Variants in GALNT18 observed in about 807,000 individuals in gnomAD.
The protein encoded by GALNT18 is GalNAc-transferase 18.
GALNT18 carries 44 observed loss-of-function variants against 69.5 expected under a neutral mutation model. The observed-to-expected ratio is 0.63, with a 90% confidence interval of 0.50 to 0.81. GALNT18 has a LOEUF of 0.81. Among genes scored for constraint, GALNT18 ranks in the 40% least tolerant of loss-of-function variants. GALNT18 has a pLI of 0.00. For synonymous variants in GALNT18, 364 were observed against 318.2 expected (o/e 1.14, Z -1.53); for missense variants, 715 against 810.0 (o/e 0.88, Z 1.42).
rs993377469 is a variant in GALNT18, at chr11:11,332,913, G to A, written c.1279-82C>T. On this transcript the variant is annotated intron_variant, in intron 7 of 10. Coordinates refer to ENST00000227756, the MANE Select transcript of GALNT18 (RefSeq NM_198516.3). This position sits in a 1 kb window ranked among gnomAD's most constrained non-coding sequence, Gnocchi z 4.3. ...AAACTCTACTTTGGCATGACCTTGT[G>A]CCCCCAACAAGATTCCTAGAGACTG... 3 of 1,499,270 alleles carry A rather than the reference G, an allele frequency of 2.0e-6. No individual in the cohort carries two copies. The African/African-American group carries it at 4.1e-5, about 21-fold the overall frequency. The allele number at this position is 1,499,270 out of a possible 1,614,324, so 92.9% of individuals were successfully genotyped here.
At chr11:11,290,575 G>A (rs556868965) in intron 10 of GALNT18, among the ~76,000 whole-genome samples, 1 of 152,154 alleles carries the variant, frequency 6.6e-6, no homozygotes, top group African/African-American at 2.4e-5. Flanking sequence ...GCCTGCTTTC[G>A]ATGTCACAAC....
At position 11,536,626 on chromosome 11, in the gene GALNT18, C is replaced by T. The variant is rs137975673; in HGVS notation, c.235+84733G>A. Among the ~76,000 whole-genome samples, 223 of 151,350 alleles carry T rather than the reference C, an allele frequency of 1.5e-3. 2 individuals are homozygous for T. Among genetic ancestry groups the T allele is most frequent in the African/African-American group, 4.8e-3 (196 of 41,128 alleles). On this transcript the variant is annotated intron_variant, in intron 1 of 10. Transcript: ENST00000227756. ...AACCCGCCAAGACCTTTAGCAACTC[C>T]GTATCTTAGAAATGAAAATTGAGAC...
chr11:11,360,749 C>A (rs891464532), intron 6 of GALNT18, among the ~76,000 whole-genome samples: 3 of 151,746 alleles, frequency 2.0e-5, no homozygotes, highest in Admixed American at 2.0e-4. Flanking sequence ...CTTCAGGAAA[C>A]TTTTTAGCTT....
intron 1 of GALNT18, among the ~76,000 whole-genome samples, chr11:11,525,632 C>T (rs1415153702): frequency 8.4e-6 from 1 of 118,632 alleles, no homozygotes; most frequent in Non-Finnish European, 1.7e-5. Context: ...GTGCATATTA[C>T]TTTTTTTTTT....
In GALNT18 at chr11:11,612,589, G is replaced by T. The variant is rs148399444; in HGVS notation, c.235+8770C>A. On this transcript the variant is annotated intron_variant, in intron 1 of 10. Coordinates refer to ENST00000227756, the MANE Select transcript of GALNT18 (RefSeq NM_198516.3). ...CCTGAATTACCTTCCTGCTCCTCTGGGATCTCAATGGCCTTTAACTCCAAG... is the reference window on the plus strand; with the variant it reads ...CCTGAATTACCTTCCTGCTCCTCTGTGATCTCAATGGCCTTTAACTCCAAG... Among the ~76,000 whole-genome samples, 247 of 152,242 alleles carry T rather than the reference G, an allele frequency of 1.6e-3. 1 individual carries two copies. Among genetic ancestry groups the T allele is most frequent in the African/African-American group, 5.7e-3 (238 of 41,546 alleles).
intron 1 of GALNT18, among the ~76,000 whole-genome samples, chr11:11,451,209 C>T (rs1208092029): frequency 6.6e-6 from 1 of 152,272 alleles, no homozygotes; most frequent in Middle Eastern, 3.4e-3. Flanking sequence ...CACAAGCATG[C>T]ATGATCTTGA....
chr11:11,453,685 A>C (rs1855858075), intron 1 of GALNT18, among the ~76,000 whole-genome samples: 1 of 152,130 alleles, frequency 6.6e-6, no homozygotes, highest in Admixed American at 6.5e-5. Flanking sequence ...GATAGTGAAT[A>C]ACCCTCAAGA....
Position 11,500,575 on chromosome 11 carries a change from C to T in GALNT18, c.236-51639G>A, listed in dbSNP as rs547292729. Among the ~76,000 whole-genome samples, 3 of 152,214 alleles carry T rather than the reference C, an allele frequency of 2.0e-5. No individual in the cohort carries two copies. The highest frequency in any genetic ancestry group is 2.1e-4 in the South Asian group (1 of 4,812). ...AGGCAGCAGGGATGCTGGCAAGCAC[C>T]GGTCATCATCCTGCAGGATACAGGA... is the stretch of plus-strand genomic sequence containing the variant. On this transcript the variant is annotated intron_variant, in intron 1 of 10. Coordinates refer to ENST00000227756, the MANE Select transcript of GALNT18 (RefSeq NM_198516.3). The surrounding 1 kb of genome is among the most constrained non-coding windows in gnomAD (Gnocchi z 5.0).
chr11:11,588,797 G>A (rs536353468), intron 1 of GALNT18, among the ~76,000 whole-genome samples: 32 of 152,276 alleles, frequency 2.1e-4, no homozygotes, highest in Non-Finnish European at 4.1e-4. Flanking sequence ...TCTACCTTTT[G>A]ATGAGAACAG....
At chr11:11,279,857 G>C (rs1390095400) in intron 10 of GALNT18, among the ~76,000 whole-genome samples, 1 of 152,156 alleles carries the variant, frequency 6.6e-6, no homozygotes, top group Non-Finnish European at 1.5e-5. Flanking sequence ...AGTTGAAAGT[G>C]TGTATTTTAT....
At chr11:11,399,710 G>A (rs145512137) in intron 3 of GALNT18, among the ~76,000 whole-genome samples, 1 of 152,258 alleles carries the variant, frequency 6.6e-6, no homozygotes, top group East Asian at 1.9e-4. Flanking sequence ...CTGCCTCACT[G>A]GGTGTATGAT....
At chr11:11,292,107 A>G (rs1849310637) in intron 10 of GALNT18, among the ~76,000 whole-genome samples, 1 of 152,142 alleles carries the variant, frequency 6.6e-6, no homozygotes, top group Non-Finnish European at 1.5e-5. Flanking sequence ...CCATGAATAC[A>G]GGTGTTCCCT....
At chr11:11,300,154 T>A (rs1849469408) in intron 9 of GALNT18, among the ~76,000 whole-genome samples, 1 of 152,232 alleles carries the variant, frequency 6.6e-6, no homozygotes, top group African/African-American at 2.4e-5. Context: ...ATGATGGGCA[T>A]GTAAATTTGG....
intron 3 of GALNT18, among the ~76,000 whole-genome samples, chr11:11,397,066 C>G (rs1272538283): frequency 6.6e-6 from 1 of 152,080 alleles, no homozygotes; most frequent in African/African-American, 2.4e-5. Flanking sequence ...ACACAGACCC[C>G]CTTTTGCCTT....
At chr11:11,547,372 T>C (rs890388477) in intron 1 of GALNT18, among the ~76,000 whole-genome samples, 12 of 152,178 alleles carry the variant, frequency 7.9e-5, no homozygotes, top group African/African-American at 2.9e-4. Flanking sequence ...AGACAGTGAA[T>C]GATGCAAACA....
At chr11:11,438,706 T>C (rs1380115391) in intron 2 of GALNT18, among the ~76,000 whole-genome samples, 1 of 152,104 alleles carries the variant, frequency 6.6e-6, no homozygotes, top group Non-Finnish European at 1.5e-5. Context: ...GAGACAGTGG[T>C]GTTGTGTCAT....
At chr11:11,326,078 T>G (rs1849912905) in intron 9 of GALNT18, among the ~76,000 whole-genome samples, 2 of 142,338 alleles carry the variant, frequency 1.4e-5, no homozygotes, top group African/African-American at 5.3e-5. Flanking sequence ...GGAATCTCGC[T>G]CTGTCGCCCA....
At chr11:11,526,417 T>C (rs1456955943) in intron 1 of GALNT18, among the ~76,000 whole-genome samples, 1 of 152,198 alleles carries the variant, frequency 6.6e-6, no homozygotes, top group Non-Finnish European at 1.5e-5. Context: ...GGTCCCTTTC[T>C]GGCATGTATA....
chr11:11,408,140 CG>C (rs1309731937), intron 3 of GALNT18, among the ~76,000 whole-genome samples: 2 of 152,070 alleles, frequency 1.3e-5, no homozygotes, highest in African/African-American at 4.8e-5. Context: ...CCAAGGCAGG[CG>C]GATCACTTGA....
Sources: allele counts gnomAD v4.1 joint callset (sites outside exome capture counted in the v4.1 genomes callset), GRCh38; gene constraint gnomAD v4.1.1; non-coding constraint Gnocchi (gnomAD v3.1); transcripts MANE v1.5; gene names NCBI Gene and HGNC (gene_info 2026-07-23, HGNC 2026-07-21).